Variants in PTPN13 observed in about 807,000 individuals in gnomAD.
PTPN13 encodes the protein protein tyrosine phosphatase non-receptor type 13.
PTPN13 carries 191 observed loss-of-function variants against 284.0 expected under a neutral mutation model. The ratio of observed to expected loss-of-function variants is 0.67; its 90% CI spans 0.60 to 0.76. The LOEUF is 0.76. Ranked by LOEUF, PTPN13 falls within the 30% of genes least tolerant of loss-of-function variation. PTPN13 has a pLI of 0.00. For synonymous variants in PTPN13, 986 were observed against 1,022.3 expected, an observed-to-expected ratio of 0.96 and a Z score of 0.68; for missense variants, 2,797 against 2,939.9, an observed-to-expected ratio of 0.95 and a Z score of 1.12.
At position 86,717,114 on chromosome 4, in the gene PTPN13, C is replaced by T. The variant is rs375963027; in HGVS notation, c.1382C>T (p.Pro461Leu). Residue 461 changes from proline to leucine, a missense_variant, in exon 9 of 48, where the codon CCG becomes CTG. Coordinates refer to ENST00000411767, the MANE Select transcript of PTPN13 (RefSeq NM_080683.3). ...TTAAGTCAAGGCCAGTCACAGAGACCGAGGTATGTCATGAAAAAGTAGTGA... is the reference window on the plus strand; with the variant it reads ...TTAAGTCAAGGCCAGTCACAGAGACTGAGGTATGTCATGAAAAAGTAGTGA... ...ETLSQGQSQRPSRQYETPFEG... is the reference protein window; with the variant it reads ...ETLSQGQSQRLSRQYETPFEG... 8.1e-6 allele frequency: 13 copies of T among 1,603,852 alleles called. No individual in the cohort carries two copies. Among genetic ancestry groups the T allele is most frequent in the African/African-American group, 1.3e-5 (1 of 74,556 alleles).
chr4:86,716,448 C>G (rs937181403), intron 7 of PTPN13, 82 bp from the exon 8 acceptor site: 45 of 838,558 alleles, frequency 5.4e-5, no homozygotes, highest in Non-Finnish European at 8.0e-5. Flanking sequence ...GTTTTAGTCC[C>G]ACAGGATTAA....
At chr4:86,635,939 G>A (rs2148724979) in intron 2 of PTPN13, among the ~76,000 whole-genome samples, 1 of 152,138 alleles carries the variant, frequency 6.6e-6, no homozygotes. Context: ...CTCCAGCCTG[G>A]GTGACAGAGT....
chr4:86,774,163 A>G (rs1740329157), intron 32 of PTPN13, among the ~76,000 whole-genome samples: 1 of 152,188 alleles, frequency 6.6e-6, no homozygotes, highest in African/African-American at 2.4e-5. Flanking sequence ...GCTTAAACAT[A>G]ACTTTTACGT....
rs770023455 is a variant in PTPN13 at position 86,771,360 on chromosome 4, A to G, written c.4993A>G (p.Thr1665Ala). Residue 1665 changes from threonine to alanine, a missense_variant, in exon 31 of 48, where the codon ACA (threonine) becomes GCA (alanine). Coordinates refer to ENST00000411767, the MANE Select transcript of PTPN13 (RefSeq NM_080683.3). The stretch of plus-strand genomic sequence containing the variant: ...TGGGAGTGGAGAAGATGACTTAGTG[A>G]CAGCTCCAGCAAACATATCAAATTC... ...SSGSGEDDLV[T>A]APANISNSTW... 14 of 1,583,672 alleles carry G rather than the reference A, an allele frequency of 8.8e-6. No individual in the cohort carries two copies. In the South Asian group the frequency reaches 1.6e-4, roughly 18 times the overall value.
intron 15 of PTPN13, among the ~76,000 whole-genome samples, chr4:86,739,888 C>T (rs1735964656): frequency 6.6e-6 from 1 of 152,160 alleles, no homozygotes; most frequent in Non-Finnish European, 1.5e-5. Flanking sequence ...CTATACAGGT[C>T]CCACGCAAGT....
intron 15 of PTPN13, among the ~76,000 whole-genome samples, chr4:86,736,046 C>T (rs1735458308): frequency 6.6e-6 from 1 of 152,084 alleles, no homozygotes. Flanking sequence ...ATACATTATA[C>T]AGAAGAAACA....
intron 1 of PTPN13, among the ~76,000 whole-genome samples, chr4:86,603,775 A>G (rs1209609709): frequency 6.6e-6 from 1 of 152,072 alleles, no homozygotes; most frequent in African/African-American, 2.4e-5. Flanking sequence ...TTCAGCATGA[A>G]CTCAGATAAT....
At chr4:86,669,548 G>A (rs911492119) in intron 2 of PTPN13, among the ~76,000 whole-genome samples, 1 of 152,014 alleles carries the variant, frequency 6.6e-6, no homozygotes, top group Non-Finnish European at 1.5e-5. Flanking sequence ...ACTGACCTTG[G>A]TTGTCCTGGT....
intron 5 of PTPN13, among the ~76,000 whole-genome samples, chr4:86,693,071 T>TAAAAAAAAAAAAAAAAA (rs34543988): frequency 8.9e-6 from 1 of 112,304 alleles, no homozygotes. Context: ...CCGTTATATT[T>TAAAAAAAAAAAAAAAAA]AAAAAAAAAA....
At chr4:86,732,891 T>G in intron 12 of PTPN13, 125 bp downstream of exon 12, 1 of 672,156 alleles carries the variant, frequency 1.5e-6, no homozygotes, top group Non-Finnish European at 2.2e-6. Flanking sequence ...TCAGTAGAAG[T>G]GAGTTAGGAA....
intron 15 of PTPN13, among the ~76,000 whole-genome samples, chr4:86,741,386 A>G (rs1375667002): frequency 2.6e-5 from 4 of 152,200 alleles, no homozygotes; most frequent in Admixed American, 1.3e-4. Context: ...AAGAGAAGAG[A>G]GCTTGTACAG....
chr4:86,644,961 A>G (rs1724242097), intron 2 of PTPN13, among the ~76,000 whole-genome samples: 1 of 152,168 alleles, frequency 6.6e-6, no homozygotes, highest in South Asian at 2.1e-4. Flanking sequence ...TAATCCCAGC[A>G]CTTTGGGAGG....
At chr4:86,654,571 A>G (rs896578489) in intron 2 of PTPN13, among the ~76,000 whole-genome samples, 2 of 152,168 alleles carry the variant, frequency 1.3e-5, no homozygotes, top group African/African-American at 2.4e-5. Context: ...GAGTTTCTTA[A>G]TCCTGAGTTC....
At chr4:86,642,446 CTTCTT>C (rs1269864145) in intron 2 of PTPN13, among the ~76,000 whole-genome samples, 3 of 63,568 alleles carry the variant, frequency 4.7e-5, no homozygotes, top group South Asian at 7.8e-4. Flanking sequence ...TCTTCTTCTT[CTTCTT>C]TTTTTTTTTT....
chr4:86,672,617 G>C, intron 3 of PTPN13, 74 bp downstream of exon 3: 5 of 1,168,458 alleles, frequency 4.3e-6, no homozygotes, highest in Non-Finnish European at 5.9e-6. Flanking sequence ...GGGCTACCAT[G>C]TTTCAACCCT....
At chr4:86,772,291 C>T (rs1036933652) in intron 31 of PTPN13, among the ~76,000 whole-genome samples, 4 of 152,178 alleles carry the variant, frequency 2.6e-5, no homozygotes, top group Admixed American at 1.3e-4. Context: ...CGATGGCTCA[C>T]GTCTGTAATC....
intron 16 of PTPN13, among the ~76,000 whole-genome samples, chr4:86,742,866 C>A (rs1472511881): frequency 6.6e-6 from 1 of 152,164 alleles, no homozygotes. Flanking sequence ...ACACAGCAGT[C>A]AACTCTATGT....
chr4:86,624,806 A>G (rs1466816980), intron 1 of PTPN13, among the ~76,000 whole-genome samples: 1 of 152,166 alleles, frequency 6.6e-6, no homozygotes, highest in Non-Finnish European at 1.5e-5. Context: ...TCTGGTTAAC[A>G]TAGTCAGAAC....
intron 2 of PTPN13, among the ~76,000 whole-genome samples, chr4:86,635,741 G>A (rs2148724088): frequency 6.6e-6 from 1 of 152,186 alleles, no homozygotes; most frequent in East Asian, 1.9e-4. Flanking sequence ...AGGTTGGGGT[G>A]TCACTTGAGG....
Sources: gnomAD v4.1 joint callset for allele counts (sites outside exome capture counted in the v4.1 genomes callset) on GRCh38, gnomAD v4.1.1 for gene constraint, MANE v1.5 for transcripts, NCBI Gene and HGNC (gene_info 2026-07-23, HGNC 2026-07-21) for gene names.